The following ZSWIM4 variants were observed in gnomAD, a reference collection of about 807,000 sequenced individuals.
The protein encoded by ZSWIM4 is zinc finger SWIM domain-containing protein 4.
ZSWIM4 carries 62 observed loss-of-function variants against 102.5 expected under a neutral mutation model. The ratio of observed to expected loss-of-function variants is 0.60; its 90% CI spans 0.49 to 0.75. The LOEUF (loss-of-function observed/expected upper bound fraction) is 0.75, where lower values mean the gene tolerates loss of function less well. ZSWIM4 is among the 30% of genes least tolerant of loss of function. The pLI, the probability that ZSWIM4 is intolerant of heterozygous loss-of-function variation, is 0.00. For synonymous variants in ZSWIM4, 652 were observed against 674.5 expected, an observed-to-expected ratio of 0.97 and a Z score of 0.52; for missense variants, 1,280 against 1,529.6, an observed-to-expected ratio of 0.84 and a Z score of 2.72.
intron 3 of ZSWIM4, among the ~76,000 whole-genome samples, chr19:13,808,191 A>T (rs982289921): frequency 2.6e-5 from 4 of 152,038 alleles, no homozygotes; most frequent in African/African-American, 9.7e-5. Context: ...CCCACTTCCA[A>T]CTCTGGGGAT....
Position 13,830,195 on chromosome 19 carries a change from G to A in ZSWIM4, c.2466G>A (p.Pro822=), listed in dbSNP as rs139792914. ...WLVSCATEIG[P]QALMNIMQNW... ...CCCTCCCTCACCTCCCACCAGGCCC[G>A]CAAGCCCTGATGAATATCATGCAGA... Residue 822 remains proline (P), a synonymous_variant, in exon 14 of 14, where the codon CCG becomes CCA. Transcript: ENST00000590508. The A allele has an allele frequency of 2.5e-6, 4 of 1,607,508 alleles. No homozygotes were observed. Among genetic ancestry groups the A allele is most frequent in the East Asian group, 2.2e-5 (1 of 44,754 alleles).
At chr19:13,799,689 C>G in intron 1 of ZSWIM4, 31 bp from the exon 2 acceptor site, 1 of 1,609,850 alleles carries the variant, frequency 6.2e-7, no homozygotes, top group Non-Finnish European at 8.5e-7. Context: ...ACATCAACCC[C>G]AGGCTCCTAA....
chr19:13,804,469 C>CAAATAAATAAATAAAT (rs538890080), intron 2 of ZSWIM4, among the ~76,000 whole-genome samples: 1,887 of 150,030 alleles, frequency 0.013, 42 homozygotes, highest in African/African-American at 0.044. Flanking sequence ...AGCTCTGTCC[C>CAAATAAATAAATAAAT]AAATAAATAA....
rs957645760 is a variant in ZSWIM4 at position 13,818,069 on chromosome 19, C to T, written c.1924+93C>T. 6 of 1,418,492 alleles carry T rather than the reference C, an allele frequency of 4.2e-6. No individual in the cohort carries two copies. The African/African-American group carries it at 7.3e-5, about 17-fold the overall frequency. The allele number at this position is 1,418,492 out of a possible 1,614,324, so 87.9% of individuals were successfully genotyped here. Reference sequence around the variant, plus strand: ...CCGGTTGCTGCCAGATGGGAGGCCCCGCCCCAGCCCCGCCCCTAGCCCCGC... The same window carrying T: ...CCGGTTGCTGCCAGATGGGAGGCCCTGCCCCAGCCCCGCCCCTAGCCCCGC... On this transcript the variant is annotated intron_variant, in intron 9 of 13. Coordinates refer to ENST00000590508, the MANE Select transcript of ZSWIM4 (RefSeq NM_001367834.3).
chr19:13,806,232 G>A (rs1974916544), intron 3 of ZSWIM4, among the ~76,000 whole-genome samples: 1 of 151,244 alleles, frequency 6.6e-6, no homozygotes, highest in Non-Finnish European at 1.5e-5. Flanking sequence ...TGTAGAGACA[G>A]GGGTTTCCCC....
intron 5 of ZSWIM4, among the ~76,000 whole-genome samples, chr19:13,810,771 G>T (rs913687663): frequency 6.6e-6 from 1 of 150,616 alleles, no homozygotes; most frequent in Admixed American, 6.6e-5. Context: ...CACCACGCCC[G>T]GCTAATTTTT....
chr19:13,807,772 TG>T (rs1483524091), intron 3 of ZSWIM4, among the ~76,000 whole-genome samples: 13 of 150,824 alleles, frequency 8.6e-5, no homozygotes, highest in Admixed American at 2.0e-4. Context: ...GATGGATGGA[TG>T]GATGGATGGA....
Position 13,827,503 on chromosome 19 carries a change from G to T in ZSWIM4, c.2380-1142G>T, listed in dbSNP as rs369287476. Among the ~76,000 whole-genome samples the T allele has an allele frequency of 2.6e-4, 36 of 138,438 alleles. 1 individual carries two copies. The highest frequency in any genetic ancestry group is 9.8e-4 in the African/African-American group (36 of 36,636). The allele number at this position is 138,438 out of a possible 152,430, so 90.8% of individuals were successfully genotyped here. ...AGCTGCTCGGGAGGCTGAGGCAGGA[G>T]AATCACATGAACCCAGGAGGTGTAG... On this transcript the variant is annotated intron_variant, in intron 12 of 13. Coordinates refer to ENST00000590508, the MANE Select transcript of ZSWIM4 (RefSeq NM_001367834.3).
chr19:13,804,904 C>T lies in ZSWIM4; in HGVS notation c.468C>T (p.Gly156=), dbSNP rs776873703. 1 of 1,613,616 alleles carries T rather than the reference C, an allele frequency of 6.2e-7. No individual in the cohort carries two copies. Among genetic ancestry groups the T allele is most frequent in the African/African-American group, 1.3e-5 (1 of 75,054 alleles). Residue 156 remains glycine (G), a synonymous_variant, in exon 3 of 14, where the codon GGC becomes GGT. Transcript: ENST00000590508. ...DRCKITSVSC[G]CDNRDLFYCA... is the part of the protein sequence containing the mutation. ...GCAAGATCACGTCCGTGAGCTGCGG[C>T]TGTGACAACCGCGACCTCTTCTACT...
At chr19:13,798,450 A>C (rs921243198) in intron 1 of ZSWIM4, among the ~76,000 whole-genome samples, 2 of 151,990 alleles carry the variant, frequency 1.3e-5, no homozygotes, top group African/African-American at 4.8e-5. Context: ...TGGGCACCTT[A>C]ATCATTATTA....
chr19:13,816,885 G>T (rs1476225330), intron 7 of ZSWIM4, among the ~76,000 whole-genome samples: 1 of 152,120 alleles, frequency 6.6e-6, no homozygotes, highest in Non-Finnish European at 1.5e-5. Context: ...GGGAATAAGG[G>T]CAATGAGGAG....
intron 13 of ZSWIM4, 101 bp from the exon 14 acceptor site, chr19:13,830,090 G>A: frequency 1.4e-6 from 2 of 1,416,704 alleles, no homozygotes; most frequent in African/African-American, 2.8e-5. Context: ...GCATGGTGTG[G>A]AGGTGGAAGT....
At position 13,830,350 on chromosome 19, in the gene ZSWIM4, C is replaced by T. The variant is rs1435160836; in HGVS notation, c.2621C>T (p.Thr874Ile). 6 of 1,613,338 alleles carry T rather than the reference C, an allele frequency of 3.7e-6. No individual in the cohort carries two copies. Among genetic ancestry groups the T allele is most frequent in the Non-Finnish European group, 5.1e-6 (6 of 1,180,010 alleles). ...GAGGAGCTCTGGGCCTGCGCCCGCA[C>T]CCTGGCCTTGCAGTGCGCGATGAAG... ...RREELWACAR[T>I]LALQCAMKDP... The change falls in exon 14 of 14, where the codon ACC (threonine) becomes ATC (isoleucine). Residue 874 changes from threonine (T) to isoleucine (I), a missense_variant. By Grantham distance (89) the Thr-to-Ile change is moderately conservative. Coordinates refer to ENST00000590508, the MANE Select transcript of ZSWIM4 (RefSeq NM_001367834.3).
intron 2 of ZSWIM4, among the ~76,000 whole-genome samples, chr19:13,802,784 G>T (rs946778898): frequency 3.3e-5 from 5 of 152,036 alleles, no homozygotes; most frequent in Non-Finnish European, 5.9e-5. Flanking sequence ...TCACTCTGTT[G>T]CCCAGGCTGG....
chr19:13,808,763 G>C, intron 3 of ZSWIM4, 73 bp from the exon 4 acceptor site: 1 of 1,127,952 alleles, frequency 8.9e-7, no homozygotes, highest in Non-Finnish European at 1.2e-6. Flanking sequence ...AAAAAAAAAG[G>C]ACAGCTCTCC....
Position 13,816,876 on chromosome 19 carries a change from G to A in ZSWIM4, c.1532-340G>A, listed in dbSNP as rs184770329. On this transcript the variant is annotated intron_variant, in intron 7 of 13. Transcript: ENST00000590508. Reference sequence around the variant, plus strand: ...GCTTTATCTTCAGAGAGGTGGAGAGGGAATAAGGGCAATGAGGAGGGGAAT... The same window carrying A: ...GCTTTATCTTCAGAGAGGTGGAGAGAGAATAAGGGCAATGAGGAGGGGAAT... Among the ~76,000 whole-genome samples, 434 of 152,190 alleles carry A rather than the reference G, an allele frequency of 2.9e-3. 4 individuals are homozygous for A. Among genetic ancestry groups the A allele is most frequent in the African/African-American group, 0.01 (421 of 41,530 alleles).
At chr19:13,824,681 G>A (rs967412344) in intron 11 of ZSWIM4, among the ~76,000 whole-genome samples, 4 of 151,684 alleles carry the variant, frequency 2.6e-5, no homozygotes, top group South Asian at 2.1e-4. Flanking sequence ...GCAGTGAGCC[G>A]AGACTGCACC....
chr19:13,813,719 A>G (rs111786998), intron 6 of ZSWIM4, among the ~76,000 whole-genome samples: 2,786 of 151,950 alleles, frequency 0.018, 86 homozygotes, highest in African/African-American at 0.064. Flanking sequence ...CCAGGAGTTC[A>G]AGACCAGCCA....
chr19:13,827,956 A>ATAGGATCTATGAGGTGGGATCTGGGG, intron 12 of ZSWIM4, among the ~76,000 whole-genome samples: 1 of 152,304 alleles, frequency 6.6e-6, no homozygotes, highest in East Asian at 1.9e-4. Context: ...TTGTTCCGGC[A>ATAGGATCTATGAGGTGGGATCTGGGG]TAGGATCTAT....
Sources: allele counts gnomAD v4.1 joint callset (sites outside exome capture counted in the v4.1 genomes callset), GRCh38; gene constraint gnomAD v4.1.1; transcripts MANE v1.5; gene names NCBI Gene and HGNC (gene_info 2026-07-23, HGNC 2026-07-21).